Variants in PRKAG1 observed in about 807,000 individuals in gnomAD.
The protein encoded by PRKAG1 is 5'-AMP-activated protein kinase subunit gamma-1.
Under a neutral mutation model 48.2 loss-of-function variants are expected in PRKAG1, and 27 were observed. That is an observed-to-expected ratio of 0.56 (90% CI 0.41 to 0.77). The LOEUF is 0.77. Among genes scored for constraint, PRKAG1 ranks in the 30% least tolerant of loss-of-function variants. The probability of loss-of-function intolerance (pLI) is 0.00; values close to 1 mark genes in which losing one functional copy is unlikely to be tolerated. For synonymous variants in PRKAG1, 130 were observed against 147.7 expected (o/e 0.88, Z 0.87); for missense variants, 287 against 398.3 (o/e 0.72, Z 2.38).
At chr12:49,004,812 A>ATT in intron 7 of PRKAG1, 152 bp downstream of exon 7, 1 of 962,210 alleles carries the variant, frequency 1.0e-6, no homozygotes, top group Non-Finnish European at 1.5e-6. Flanking sequence ...AGAGAGAGAG[A>ATT]CTGTGTGTGT....
chr12:49,009,120 CTTTT>C (rs1173409489), intron 2 of PRKAG1, among the ~76,000 whole-genome samples: 3 of 133,104 alleles, frequency 2.3e-5, no homozygotes, highest in Non-Finnish European at 3.2e-5. Flanking sequence ...CTTTCCTCTC[CTTTT>C]TTTTTTTTTT....
chr12:49,007,247 T>C (rs1592275637), intron 2 of PRKAG1, among the ~76,000 whole-genome samples: 2 of 148,526 alleles, frequency 1.3e-5, no homozygotes, highest in East Asian at 4.0e-4. Context: ...AGATTGTGCC[T>C]CTGCACTCCA....
rs1941437307 is a variant in PRKAG1, at chr12:49,004,530, T to C, written c.514A>G (p.Ile172Val). ...ACAAACAATTTGAGGAACTTCAGAA[T>C]GCGCTTGTGGGTGAGGATGTACAAA... ...NTLYILTHKR[I>V]LKFLKLFITE... The change falls in exon 8 of 12, where the codon ATT (isoleucine) becomes GTT (valine). Residue 172 changes from isoleucine (I) to valine (V), a missense_variant. Transcript: ENST00000548065. The C allele has an allele frequency of 6.2e-7, 1 of 1,613,986 alleles. No homozygotes were observed. Among genetic ancestry groups the C allele is most frequent in the Non-Finnish European group, 8.5e-7 (1 of 1,180,024 alleles).
intron 7 of PRKAG1, 91 bp from the exon 8 acceptor site, chr12:49,004,724 C>G: frequency 6.4e-7 from 1 of 1,568,662 alleles, no homozygotes; most frequent in Non-Finnish European, 8.7e-7. Flanking sequence ...ACAGGGAAAA[C>G]TGATGGTTAG....
In PRKAG1 at chr12:49,005,841, A is replaced by G; in HGVS notation, c.70T>C (p.Ser24Pro). Residue 24 changes from serine (S) to proline (P), a missense_variant, in exon 3 of 12, where the codon TCC becomes CCC. Coordinates refer to ENST00000548065, the MANE Select transcript of PRKAG1 (RefSeq NM_002733.5). The surrounding 1 kb of genome is among the most constrained non-coding windows in gnomAD (Gnocchi z 4.1). The stretch of plus-strand genomic sequence containing the variant: ...AAGGAAGTATACACGCTATTGTTGG[A>G]TTCTGGGGTCTCTGCATAGGGTGGG... ...ENEHPQETPE[S>P]NNSVYTSFMK... The G allele has an allele frequency of 6.2e-7, 1 of 1,605,190 alleles. No homozygotes were observed. Among genetic ancestry groups the G allele is most frequent in the Non-Finnish European group, 8.5e-7 (1 of 1,174,990 alleles).
intron 10 of PRKAG1, 115 bp from the exon 11 acceptor site, chr12:49,003,405 C>A: frequency 1.3e-6 from 2 of 1,534,596 alleles, no homozygotes; most frequent in Middle Eastern, 1.7e-4. Flanking sequence ...AAGCCACACC[C>A]AACTCATTCA....
intron 1 of PRKAG1, chr12:49,016,723 C>A (rs142834822): frequency 1.6e-3 from 242 of 155,708 alleles, no homozygotes; most frequent in African/African-American, 5.5e-3. Context: ...AAGGGACTTT[C>A]ATCCCCATTA....
rs777792479 is a variant in PRKAG1, at chr12:49,018,775, G to T, written c.-35C>A. The T allele has an allele frequency of 3.1e-6, 5 of 1,612,120 alleles. No individual in the cohort carries two copies. The African/African-American group carries it at 4.0e-5, about 13-fold the overall frequency. On this transcript the variant is annotated 5_prime_UTR_variant, in exon 1 of 12. Transcript: ENST00000548065. ...CGCCCGGCTTGGTTTCCTCGCTTTAGGAAACTCTCTTGGGGCAGGCCCCGC... is the reference window on the plus strand; with the variant it reads ...CGCCCGGCTTGGTTTCCTCGCTTTATGAAACTCTCTTGGGGCAGGCCCCGC...
intron 7 of PRKAG1, 151 bp downstream of exon 7, chr12:49,004,813 C>CTCTG (rs34375562): frequency 9.8e-6 from 7 of 714,342 alleles, no homozygotes; most frequent in African/African-American, 4.1e-5. Flanking sequence ...GAGAGAGAGA[C>CTCTG]TGTGTGTGTG....
Position 49,013,116 on chromosome 12 carries a change from G to C in PRKAG1, c.10-6C>G, listed in dbSNP as rs753065174. The C allele has an allele frequency of 1.2e-6, 2 of 1,612,878 alleles. No homozygotes were observed. Among genetic ancestry groups the C allele is most frequent in the Admixed American group, 3.3e-5 (2 of 60,020 alleles). On this transcript the variant is annotated splice_region_variant and splice_polypyrimidine_tract_variant and intron_variant, in intron 1 of 11. Transcript: ENST00000548065. ...GAGCTATCTGAAGAAATGACCTGGAGAGATAAGAAAACAGATTCAGCTTAA... is the reference window on the plus strand; with the variant it reads ...GAGCTATCTGAAGAAATGACCTGGACAGATAAGAAAACAGATTCAGCTTAA...
intron 2 of PRKAG1, among the ~76,000 whole-genome samples, chr12:49,007,730 C>G (rs1231166993): frequency 1.3e-5 from 2 of 151,814 alleles, no homozygotes; most frequent in Non-Finnish European, 2.9e-5. Flanking sequence ...TATTTATCAT[C>G]TATCTACCAA....
chr12:49,008,423 G>A (rs1295854682), intron 2 of PRKAG1: 2 of 152,246 alleles, frequency 1.3e-5, no homozygotes, highest in African/African-American at 4.8e-5. Flanking sequence ...GGAGCCTTCT[G>A]ACCTGCTCAA....
chr12:49,008,106 G>A (rs1034561740), intron 2 of PRKAG1, among the ~76,000 whole-genome samples: 3 of 151,966 alleles, frequency 2.0e-5, no homozygotes, highest in Admixed American at 1.3e-4. Flanking sequence ...TGATCTGCCC[G>A]CTTTGGCCTC....
At chr12:49,016,334 T>C (rs941922671) in intron 1 of PRKAG1, among the ~76,000 whole-genome samples, 6 of 152,214 alleles carry the variant, frequency 3.9e-5, no homozygotes, top group African/African-American at 7.2e-5. Flanking sequence ...ATCTGACAAA[T>C]AGACTCGCAA....
Position 49,015,812 on chromosome 12 carries a change from G to A in PRKAG1, c.10-2702C>T, listed in dbSNP as rs143194797. Among the ~76,000 whole-genome samples the A allele has an allele frequency of 3.6e-3, 540 of 151,946 alleles. 3 individuals carry two copies. The highest frequency in any genetic ancestry group is 0.012 in the African/African-American group (498 of 41,412). On this transcript the variant is annotated intron_variant, in intron 1 of 11. Transcript: ENST00000548065. ...AGGCTGGTCTTAAACTCCTGACCTC[G>A]TGATCCACCCGCCTCGGCCTCCCAA...
At chr12:49,018,510 A>T in intron 1 of PRKAG1, 1 of 1,418,756 alleles carries the variant, frequency 7.0e-7, no homozygotes, top group Non-Finnish European at 9.2e-7. Flanking sequence ...GCTTGGGCTA[A>T]GGGTACCGCG....
chr12:49,005,601 AAAG>A lies in PRKAG1; in HGVS notation c.169-61_169-59del. Reference sequence around the variant, plus strand: ...AATCCACAGGGGCAGGACTGTAAAAAAAGAACAGTGTTTGGGCATGTTGGGTAA... The same window carrying A: ...AATCCACAGGGGCAGGACTGTAAAAAAACAGTGTTTGGGCATGTTGGGTAA... On this transcript the variant is annotated intron_variant, in intron 3 of 11. Transcript: ENST00000548065. The surrounding 1 kb of genome is among the most constrained non-coding windows in gnomAD (Gnocchi z 4.1). 3 of 1,613,876 alleles carry A rather than the reference AAAG, an allele frequency of 1.9e-6. No individual in the cohort carries two copies. Among genetic ancestry groups the A allele is most frequent in the Non-Finnish European group, 2.5e-6 (3 of 1,179,938 alleles).
intron 2 of PRKAG1, among the ~76,000 whole-genome samples, chr12:49,007,940 A>G (rs1941610025): frequency 1.3e-5 from 2 of 151,482 alleles, no homozygotes; most frequent in South Asian, 4.2e-4. Flanking sequence ...GGTTACTACA[A>G]CCTCAGCCTT....
intron 1 of PRKAG1, chr12:49,017,363 C>T (rs4994587): frequency 1.7e-4 from 62 of 355,200 alleles, no homozygotes; most frequent in East Asian, 1.2e-3. Flanking sequence ...ACCACCACCA[C>T]GCCTGGGTAA....
Sources: allele counts gnomAD v4.1 joint callset (sites outside exome capture counted in the v4.1 genomes callset), GRCh38; gene constraint gnomAD v4.1.1; non-coding constraint Gnocchi (gnomAD v3.1); transcripts MANE v1.5; gene names NCBI Gene and HGNC (gene_info 2026-07-23, HGNC 2026-07-21).